Variants in PCDHGB6 observed in about 807,000 individuals in gnomAD.
PCDHGB6 encodes protocadherin gamma subfamily B, 6.
In PCDHGB6, 51 loss-of-function variants were observed where a neutral mutation model predicts 59.1. The ratio of observed to expected loss-of-function variants is 0.86; its 90% CI spans 0.69 to 1.09. The LOEUF (loss-of-function observed/expected upper bound fraction) is 1.09, where lower values mean the gene tolerates loss of function less well. PCDHGB6 is among the 50% of genes least tolerant of loss of function. The probability of loss-of-function intolerance (pLI) is 0.00; values close to 1 mark genes in which losing one functional copy is unlikely to be tolerated. For synonymous variants in PCDHGB6, 466 were observed against 495.1 expected (o/e 0.94, Z 0.78); for missense variants, 1,148 against 1,205.1 (o/e 0.95, Z 0.70).
At position 141,408,609 on chromosome 5, in the gene PCDHGB6, A is replaced by G. The variant is rs765291231; in HGVS notation, c.407A>G (p.Lys136Arg). Residue 136 changes from lysine (K) to arginine (R), a missense_variant, in exon 1 of 4, where the codon AAG becomes AGG. Coordinates refer to ENST00000520790, the MANE Select transcript of PCDHGB6 (RefSeq NM_018926.3). The stretch of plus-strand genomic sequence containing the variant: ...GACCACGCCCCTCAATTTGATAAAA[A>G]GGAAATACATTTAGAAATTTTCGAA... Reference protein sequence around the residue: ...VNDHAPQFDKKEIHLEIFESA... With the variant: ...VNDHAPQFDKREIHLEIFESA... 1.2e-5 allele frequency: 19 copies of G among 1,613,970 alleles called. No individual in the cohort carries two copies. The highest frequency in any genetic ancestry group is 3.4e-6 in the Non-Finnish European group (4 of 1,179,916).
intron 1 of PCDHGB6, chr5:141,440,987 A>C (rs2098217413): frequency 6.6e-6 from 1 of 152,278 alleles, no homozygotes; most frequent in African/African-American, 2.4e-5. Flanking sequence ...AACCCAGAGT[A>C]CCCATATCTA....
intron 2 of PCDHGB6, among the ~76,000 whole-genome samples, chr5:141,502,135 G>A (rs1254187943): frequency 6.6e-6 from 1 of 152,154 alleles, no homozygotes; most frequent in East Asian, 1.9e-4. Context: ...GAGCTCAGTC[G>A]GGCCGGAAGT....
In PCDHGB6 at chr5:141,432,827, A is replaced by G. The variant is rs758445645; in HGVS notation, c.2418+22207A>G. ...AGCTAACTCTGAAACCTCAGACCTC[A>G]CTCTGTACCTGGTGGTAGCGGTGGC... On this transcript the variant is annotated intron_variant, in intron 1 of 3. Transcript: ENST00000520790. The surrounding 1 kb of genome is among the most constrained non-coding windows in gnomAD (Gnocchi z 6.0). 9 of 1,613,142 alleles carry G rather than the reference A, an allele frequency of 5.6e-6. No individual in the cohort carries two copies. Among genetic ancestry groups the G allele is most frequent in the Admixed American group, 1.7e-5 (1 of 59,958 alleles).
At position 141,408,164 on chromosome 5, in the gene PCDHGB6, A is replaced by G. The variant is rs2095051548; in HGVS notation, c.-39A>G. The stretch of plus-strand genomic sequence containing the variant: ...AGCGCGGTAGAGTGCACTTTCTCCA[A>G]CTGGAAAAGCGGGGACCCAGCGAGA... On this transcript the variant is annotated 5_prime_UTR_variant, in exon 1 of 4. Transcript: ENST00000520790. The G allele has an allele frequency of 6.6e-7, 1 of 1,520,576 alleles. No individual in the cohort carries two copies. Among genetic ancestry groups the G allele is most frequent in the South Asian group, 1.3e-5 (1 of 78,834 alleles). The allele number at this position is 1,520,576 out of a possible 1,614,324, so 94.2% of individuals were successfully genotyped here. A position where few individuals can be genotyped will look rare whatever the true frequency, so the allele number is the denominator to read the frequency against.
intron 1 of PCDHGB6, among the ~76,000 whole-genome samples, chr5:141,424,979 T>G (rs565208060): frequency 1.4e-4 from 22 of 152,322 alleles, no homozygotes; most frequent in African/African-American, 4.6e-4. Flanking sequence ...CTTGGATATT[T>G]ATGTTCCCTT....
At chr5:141,417,456 G>A (rs1354162154) in intron 1 of PCDHGB6, 1 of 177,626 alleles carries the variant, frequency 5.6e-6, no homozygotes, top group Non-Finnish European at 1.2e-5. Context: ...TTATGACCAA[G>A]TGGAAATATA....
In PCDHGB6 at chr5:141,493,550, T is replaced by C. The variant is rs978188511; in HGVS notation, c.2419-1257T>C. On this transcript the variant is annotated intron_variant, in intron 1 of 3. Coordinates refer to ENST00000520790, the MANE Select transcript of PCDHGB6 (RefSeq NM_018926.3). This position sits in a 1 kb window ranked among gnomAD's most constrained non-coding sequence, Gnocchi z 4.3. Reference sequence around the variant, plus strand: ...ACTTGGCCAGTTATCCTTTTGGAGATTGAGTTCCCCCAGCTCCGTTTCCTC... The same window carrying C: ...ACTTGGCCAGTTATCCTTTTGGAGACTGAGTTCCCCCAGCTCCGTTTCCTC... Among the ~76,000 whole-genome samples the C allele has an allele frequency of 1.3e-5, 2 of 152,172 alleles. No homozygotes were observed. The highest frequency in any genetic ancestry group is 2.4e-5 in the African/African-American group (1 of 41,430).
At chr5:141,468,871 T>TAAG (rs796694379) in intron 1 of PCDHGB6, among the ~76,000 whole-genome samples, 1 of 148,338 alleles carries the variant, frequency 6.7e-6, no homozygotes, top group African/African-American at 2.5e-5. Flanking sequence ...ATCTCAAAAA[T>TAAG]AATAATAATA....
rs781346812 is a variant in PCDHGB6, at chr5:141,489,773, T to A, written c.2419-5034T>A. 6.2e-7 allele frequency: 1 copy of A among 1,614,102 alleles called. No individual in the cohort carries two copies. The highest frequency in any genetic ancestry group is 8.5e-7 in the Non-Finnish European group (1 of 1,179,984). ...TACACTCTAAGCCCCAACAGCCACT[T>A]CTCTCTGAATGTGAAGACCCTAAAA... is the stretch of plus-strand genomic sequence containing the variant. On this transcript the variant is annotated intron_variant, in intron 1 of 3. Transcript: ENST00000520790. The surrounding 1 kb of genome is among the most constrained non-coding windows in gnomAD (Gnocchi z 4.5).
intron 1 of PCDHGB6, chr5:141,478,778 C>A: frequency 6.7e-7 from 1 of 1,488,178 alleles, no homozygotes; most frequent in Non-Finnish European, 8.9e-7. Flanking sequence ...ATCTGTGGAC[C>A]TAATTCACAT....
chr5:141,449,154 A>G (rs2098630387), intron 1 of PCDHGB6, among the ~76,000 whole-genome samples: 1 of 152,180 alleles, frequency 6.6e-6, no homozygotes, highest in African/African-American at 2.4e-5. Flanking sequence ...TGGGTCAAAG[A>G]GGAAATAGGT....
In PCDHGB6 at chr5:141,431,339, TTGG is replaced by T. The variant is rs750589924; in HGVS notation, c.2418+20722_2418+20724del. ...AGCCGACGGTAGTAAGTACCCCGAA[TTGG>T]TGCTGAAACGCGCCCTGGACCGCGA... is the stretch of plus-strand genomic sequence containing the variant. On this transcript the variant is annotated intron_variant, in intron 1 of 3. Coordinates refer to ENST00000520790, the MANE Select transcript of PCDHGB6 (RefSeq NM_018926.3). The surrounding 1 kb of genome is among the most constrained non-coding windows in gnomAD (Gnocchi z 4.8). 4 of 1,614,060 alleles carry T rather than the reference TTGG, an allele frequency of 2.5e-6. No individual in the cohort carries two copies. The Admixed American group carries it at 6.7e-5, about 27-fold the overall frequency.
rs753702657 is a variant in PCDHGB6 at position 141,415,195 on chromosome 5, C to G, written c.2418+4575C>G. ...CGTGGCCGTGGCCGACAGCATCCCC[C>G]AAGTCCTGGCGGACCTCGGCAGCTT... On this transcript the variant is annotated intron_variant, in intron 1 of 3. Transcript: ENST00000520790. 5 of 1,614,058 alleles carry G rather than the reference C, an allele frequency of 3.1e-6. No individual in the cohort carries two copies. The highest frequency in any genetic ancestry group is 1.1e-5 in the South Asian group (1 of 91,090).
intron 1 of PCDHGB6, chr5:141,422,845 G>A: frequency 6.2e-7 from 1 of 1,614,230 alleles, no homozygotes; most frequent in Non-Finnish European, 8.5e-7. Context: ...TGACAGCGGG[G>A]ACCCGCCCCT....
At chr5:141,502,234 C>T (rs1482411915) in intron 2 of PCDHGB6, among the ~76,000 whole-genome samples, 1 of 152,108 alleles carries the variant, frequency 6.6e-6, no homozygotes, top group Non-Finnish European at 1.5e-5. Flanking sequence ...TCTGTGTGTT[C>T]TTTTATCCTT....
intron 1 of PCDHGB6, among the ~76,000 whole-genome samples, chr5:141,435,303 A>G (rs2097757060): frequency 6.6e-6 from 1 of 152,192 alleles, no homozygotes; most frequent in Admixed American, 6.5e-5. Flanking sequence ...TCATGGTTTT[A>G]AATCATTCAT....
chr5:141,492,316 G>C (rs1283387204), intron 1 of PCDHGB6, among the ~76,000 whole-genome samples: 1 of 152,190 alleles, frequency 6.6e-6, no homozygotes. Context: ...CGCACTCCTC[G>C]CACGTGGGCT....
chr5:141,509,067 C>T (rs987332283), intron 3 of PCDHGB6, among the ~76,000 whole-genome samples: 1 of 152,132 alleles, frequency 6.6e-6, no homozygotes, highest in African/African-American at 2.4e-5. Flanking sequence ...CTCTCAGCTC[C>T]GGGGATTTGC....
At position 141,408,228 on chromosome 5, in the gene PCDHGB6, G is replaced by C. The variant is rs1233027944; in HGVS notation, c.26G>C (p.Arg9Pro). 1.3e-6 allele frequency: 2 copies of C among 1,564,122 alleles called. No homozygotes were observed. Among genetic ancestry groups the C allele is most frequent in the South Asian group, 2.3e-5 (2 of 85,850 alleles). Residue 9 changes from arginine (R) to proline (P), a missense_variant, in exon 1 of 4, where the codon CGC (arginine) becomes CCC (proline). Arg to Pro is a moderately radical substitution (Grantham distance 103). Around this residue, in one of 5 missense-constraint regions of PCDHGB6, gnomAD observed 307 missense variants for 323.8 expected, o/e 0.95. Transcript: ENST00000520790. ...ATGGGAGGGAGCTGCGCGCAGAGGCGCCGGGCCGGCCCGCGGCAGGTGCTA... is the reference window on the plus strand; with the variant it reads ...ATGGGAGGGAGCTGCGCGCAGAGGCCCCGGGCCGGCCCGCGGCAGGTGCTA... MGGSCAQR[R>P]RAGPRQVLFP...
Sources: allele counts gnomAD v4.1 joint callset (sites outside exome capture counted in the v4.1 genomes callset), GRCh38; gene constraint gnomAD v4.1.1; regional missense constraint gnomAD v4.1.1; non-coding constraint Gnocchi (gnomAD v3.1); transcripts MANE v1.5; gene names NCBI Gene and HGNC (gene_info 2026-07-23, HGNC 2026-07-21).